ANGPTL5: variants seen among roughly 807,000 people sequenced by gnomAD.
ANGPTL5 encodes angiopoietin like 5.
A neutral mutation model predicts 39.4 loss-of-function variants in ANGPTL5; 34 were observed. The ratio of observed to expected loss-of-function variants is 0.86; its 90% CI spans 0.66 to 1.15. The LOEUF (loss-of-function observed/expected upper bound fraction) is 1.15. Ranked by LOEUF, ANGPTL5 falls within the 50% of genes most tolerant of loss-of-function variation. The pLI is 0.00. For missense variants in ANGPTL5, 467 were observed against 457.5 expected (o/e 1.02, Z -0.19); for synonymous variants, 146 against 152.1 (o/e 0.96, Z 0.29).
At chr11:101,910,000 T>C (rs1346760262) in intron 1 of ANGPTL5, among the ~76,000 whole-genome samples, 1 of 152,240 alleles carries the variant, frequency 6.6e-6, no homozygotes, top group Non-Finnish European at 1.5e-5. Context: ...CAACAAAATC[T>C]TGCTGCTCAT....
intron 6 of ANGPTL5, among the ~76,000 whole-genome samples, chr11:101,901,974 C>T (rs993343162): frequency 2.6e-5 from 4 of 151,588 alleles, no homozygotes; most frequent in Admixed American, 1.3e-4. Flanking sequence ...TATATACACA[C>T]ACACATATAT....
chr11:101,900,512 A>C lies in ANGPTL5; in HGVS notation c.579T>G (p.Thr193=), dbSNP rs17854572. The part of the protein sequence containing the change: ...CDMDYRGGGR[T]VIQKRIDGII... ...TCCCATCAATTCTTTTCTGTATCAC[A>C]GTCCGTCCACCTCCTCTGTAATCCA... The change falls in exon 7 of 9, where the codon ACT becomes ACG. Residue 193 remains threonine, a synonymous_variant. Transcript: ENST00000334289. 717 of 1,612,856 alleles carry C rather than the reference A, an allele frequency of 4.4e-4. 6 individuals carry two copies. Among genetic ancestry groups the C allele is most frequent in the Middle Eastern group, 2.8e-3 (17 of 6,056 alleles).
At chr11:101,892,606 A>G (rs1296094191) in intron 8 of ANGPTL5, among the ~76,000 whole-genome samples, 1 of 152,216 alleles carries the variant, frequency 6.6e-6, no homozygotes, top group Non-Finnish European at 1.5e-5. Flanking sequence ...AAGATGACCC[A>G]GTTAACTCAG....
intron 6 of ANGPTL5, 146 bp from the exon 7 acceptor site, chr11:101,900,696 C>A: frequency 1.2e-6 from 1 of 803,788 alleles, no homozygotes; most frequent in Non-Finnish European, 2.0e-6. Context: ...TTAATTTATT[C>A]AGATGTTTTT....
intron 1 of ANGPTL5, among the ~76,000 whole-genome samples, chr11:101,908,849 T>G (rs1940045530): frequency 6.6e-6 from 1 of 151,870 alleles, no homozygotes; most frequent in South Asian, 2.1e-4. Flanking sequence ...TGTAATCTAA[T>G]TACAACTATT....
Position 101,904,838 on chromosome 11 carries a change from GA to G in ANGPTL5, c.414del (p.Pro139LeufsTer10). Reference protein sequence around the residue: ...TEVFRKQLDPFPHRPVQSHGL... With the variant: ...TEVFRKQLDPXPHRPVQSHGL... ...CCATGTGACTGAACAGGTCTGTGAGGAAAAGGATCCAGCTGTTTTCTAAAAA... is the reference window on the plus strand; with the variant it reads ...CCATGTGACTGAACAGGTCTGTGAGGAAAGGATCCAGCTGTTTTCTAAAAA... On this transcript the variant is annotated frameshift_variant, in exon 5 of 9. Transcript: ENST00000334289. LOFTEE classifies it high-confidence loss of function. 1 of 1,613,566 alleles carries G rather than the reference GA, an allele frequency of 6.2e-7. No individual in the cohort carries two copies.
rs193240792 is a variant in ANGPTL5, at chr11:101,906,633, T to C, written c.241+470A>G. On this transcript the variant is annotated intron_variant, in intron 3 of 8. Coordinates refer to ENST00000334289, the MANE Select transcript of ANGPTL5 (RefSeq NM_178127.5). ...TGAGTTTTACCCAAGATAGTAATAATGTTGCCCCCTATAACAAAAGGGCCC... is the reference window on the plus strand; with the variant it reads ...TGAGTTTTACCCAAGATAGTAATAACGTTGCCCCCTATAACAAAAGGGCCC... 1.2e-3 allele frequency among the ~76,000 whole-genome samples: 188 copies of C among 152,270 alleles called. 2 individuals carry two copies. Among genetic ancestry groups the C allele is most frequent in the Middle Eastern group, 6.8e-3 (2 of 294 alleles).
At chr11:101,913,351 C>G (rs1157083292) in intron 1 of ANGPTL5, among the ~76,000 whole-genome samples, 1 of 152,220 alleles carries the variant, frequency 6.6e-6, no homozygotes, top group Non-Finnish European at 1.5e-5. Flanking sequence ...TGCATCAGAA[C>G]TACCTTCATA....
At chr11:101,912,462 T>C (rs747116533) in intron 1 of ANGPTL5, among the ~76,000 whole-genome samples, 9 of 152,332 alleles carry the variant, frequency 5.9e-5, no homozygotes, top group Admixed American at 4.6e-4. Context: ...AGCATCATGA[T>C]GTTCAGAGCC....
rs184714078 is a variant in ANGPTL5 at position 101,913,699 on chromosome 11, T to A, written c.-93+2320A>T. Among the ~76,000 whole-genome samples the A allele has an allele frequency of 3.9e-5, 6 of 152,302 alleles. No individual in the cohort carries two copies. The East Asian group carries it at 1.2e-3, about 29-fold the overall frequency. ...CGCAAACTAATAATATAGCAAAAGC[T>A]GGACTTCTGGAAAGCTAACCATGCC... is the stretch of plus-strand genomic sequence containing the variant. On this transcript the variant is annotated intron_variant, in intron 1 of 8. Transcript: ENST00000334289.
chr11:101,905,667 A>T (rs1390385563), intron 4 of ANGPTL5, 77 bp downstream of exon 4: 5 of 1,032,292 alleles, frequency 4.8e-6, no homozygotes, highest in African/African-American at 1.6e-5. Context: ...AATGCATTTT[A>T]AAAAAAGATT....
At chr11:101,913,646 GC>G (rs1940131718) in intron 1 of ANGPTL5, among the ~76,000 whole-genome samples, 1 of 152,148 alleles carries the variant, frequency 6.6e-6, no homozygotes, top group Non-Finnish European at 1.5e-5. Flanking sequence ...AAGCCACAAA[GC>G]AGTGAGATGC....
At position 101,901,015 on chromosome 11, in the gene ANGPTL5, C is replaced by CTTTT. The variant is rs34425298; in HGVS notation, c.541-469_541-466dup. ...TACAGGCGCCCGCTAGCACCCCCGGCTTTTTTTTTTTTTTTTTTTTTCTTT... is the reference window on the plus strand; with the variant it reads ...TACAGGCGCCCGCTAGCACCCCCGGCTTTTTTTTTTTTTTTTTTTTTTTTTCTTT... On this transcript the variant is annotated intron_variant, in intron 6 of 8. Coordinates refer to ENST00000334289, the MANE Select transcript of ANGPTL5 (RefSeq NM_178127.5). 4.5e-3 allele frequency among the ~76,000 whole-genome samples: 442 copies of CTTTT among 98,590 alleles called. 3 individuals are homozygous for CTTTT. Among genetic ancestry groups the CTTTT allele is most frequent in the African/African-American group, 0.018 (418 of 23,790 alleles). The allele number at this position is 98,590 out of a possible 152,430, so 64.7% of individuals were successfully genotyped here.
chr11:101,899,157 A>G (rs1055224093), intron 7 of ANGPTL5, among the ~76,000 whole-genome samples: 1 of 152,246 alleles, frequency 6.6e-6, no homozygotes, highest in Non-Finnish European at 1.5e-5. Flanking sequence ...TTCTGTCCTC[A>G]TAAAAAGAGT....
At chr11:101,903,527 G>C (rs1939945458) in intron 5 of ANGPTL5, among the ~76,000 whole-genome samples, 2 of 152,026 alleles carry the variant, frequency 1.3e-5, no homozygotes, top group East Asian at 3.9e-4. Context: ...TACGTAGTAA[G>C]GTATTACATA....
chr11:101,905,937 T>C, intron 3 of ANGPTL5, 90 bp from the exon 4 acceptor site: 1 of 745,638 alleles, frequency 1.3e-6, no homozygotes. Flanking sequence ...TGATTTTGGA[T>C]ATGTATGTTA....
intron 5 of ANGPTL5, 149 bp downstream of exon 5, chr11:101,904,665 T>A (rs1391344356): frequency 1.5e-6 from 1 of 669,078 alleles, no homozygotes; most frequent in African/African-American, 1.8e-5. Flanking sequence ...ATGGTGAAAT[T>A]TGCTTAATAG....
chr11:101,894,143 C>T (rs1484876532), intron 8 of ANGPTL5, among the ~76,000 whole-genome samples: 1 of 152,200 alleles, frequency 6.6e-6, no homozygotes, highest in Non-Finnish European at 1.5e-5. Context: ...TATCAGTATT[C>T]TGTATTTCCA....
At chr11:101,905,306 C>T (rs946940486) in intron 4 of ANGPTL5, among the ~76,000 whole-genome samples, 4 of 152,166 alleles carry the variant, frequency 2.6e-5, no homozygotes, top group Admixed American at 2.0e-4. Context: ...TTGCCTATTC[C>T]TATAGTCAGT....
Sources: allele counts gnomAD v4.1 joint callset (sites outside exome capture counted in the v4.1 genomes callset), GRCh38; gene constraint gnomAD v4.1.1; transcripts MANE v1.5; gene names NCBI Gene and HGNC (gene_info 2026-07-23, HGNC 2026-07-21).